Variants in CADM2 observed in about 807,000 individuals in gnomAD.
CADM2 encodes the protein immunoglobulin superfamily member 4D.
A neutral mutation model predicts 49.8 loss-of-function variants in CADM2; 12 were observed. The observed-to-expected ratio is 0.24, with a 90% CI of 0.15 to 0.39. The LOEUF (loss-of-function observed/expected upper bound fraction) is 0.39. Ranked by LOEUF, CADM2 falls within the 10% of genes least tolerant of loss-of-function variation. The pLI, the probability that CADM2 is intolerant of heterozygous loss-of-function variation, is 1.00. For missense variants in CADM2, 378 were observed against 492.3 expected (o/e 0.77, Z 2.20); for synonymous variants, 214 against 175.4 (o/e 1.22, Z -1.74).
chr3:85,948,134 A>T (rs899808489), intron 7 of CADM2, among the ~76,000 whole-genome samples: 2 of 151,428 alleles, frequency 1.3e-5, no homozygotes, highest in African/African-American at 4.8e-5. Context: ...TAAGCATTTT[A>T]CTCTTTAAAG....
chr3:85,248,730 A>G (rs929343492), intron 1 of CADM2, among the ~76,000 whole-genome samples: 4 of 152,210 alleles, frequency 2.6e-5, no homozygotes, highest in African/African-American at 9.6e-5. Context: ...TTTAAATCGA[A>G]AGTAGGTTAA....
At position 85,890,817 on chromosome 3, in the gene CADM2, G is replaced by T. The variant is rs1252308832; in HGVS notation, c.529+4490G>T. On this transcript the variant is annotated intron_variant, in intron 5 of 9. Coordinates refer to ENST00000383699, the MANE Select transcript of CADM2 (RefSeq NM_001167675.2). The stretch of plus-strand genomic sequence containing the variant: ...AGTAGAATTCATCATATGTGTTTGG[G>T]ACAAAAGTAGGTGGTAGGACACTTT... Among the ~76,000 whole-genome samples the T allele has an allele frequency of 3.3e-5, 5 of 151,976 alleles. No individual in the cohort carries two copies. In the South Asian group the frequency reaches 1.0e-3, roughly 32 times the overall value.
Position 85,736,697 on chromosome 3 carries a change from A to G in CADM2, c.88+10149A>G, listed in dbSNP as rs111464980. 9.0e-4 allele frequency among the ~76,000 whole-genome samples: 137 copies of G among 152,232 alleles called. 1 individual carries two copies. The highest frequency in any genetic ancestry group is 3.0e-3 in the African/African-American group (126 of 41,534). ...TTTTCTTATTCTAAGAACAATGGGAAGCCATTAAGTGGTTTTAAAAGGGAA... is the reference window on the plus strand; with the variant it reads ...TTTTCTTATTCTAAGAACAATGGGAGGCCATTAAGTGGTTTTAAAAGGGAA... On this transcript the variant is annotated intron_variant, in intron 2 of 9. Coordinates refer to ENST00000383699, the MANE Select transcript of CADM2 (RefSeq NM_001167675.2).
rs115931762 is a variant in CADM2, at chr3:85,721,770, C to T, written c.62-4752C>T. Among the ~76,000 whole-genome samples the T allele has an allele frequency of 4.0e-3, 613 of 152,294 alleles. 3 individuals are homozygous for T. Among genetic ancestry groups the T allele is most frequent in the African/African-American group, 0.014 (593 of 41,570 alleles). ...GGGGTGCTCCCAGGTCTTGGCTCCC[C>T]GAAGGGCCACAGCTCTTCTTTTCTT... On this transcript the variant is annotated intron_variant, in intron 1 of 9. Coordinates refer to ENST00000383699, the MANE Select transcript of CADM2 (RefSeq NM_001167675.2).
rs759888985 is a variant in CADM2 at position 85,147,275 on chromosome 3, C to CAAAAAAAAAAA, written c.61+187627_61+187637dup. On this transcript the variant is annotated intron_variant, in intron 1 of 9. Coordinates refer to ENST00000383699, the MANE Select transcript of CADM2 (RefSeq NM_001167675.2). Reference sequence around the variant, plus strand: ...TGGGCGACAGAGCCAGACTCTGTCTCAAAAAAAAAAAAAAAAAAAAAAAAA... The same window carrying CAAAAAAAAAAA: ...TGGGCGACAGAGCCAGACTCTGTCTCAAAAAAAAAAAAAAAAAAAAAAAAAAAAAAAAAAAA... Among the ~76,000 whole-genome samples, 15 of 46,004 alleles carry CAAAAAAAAAAA rather than the reference C, an allele frequency of 3.3e-4. 1 individual carries two copies. The highest frequency in any genetic ancestry group is 6.0e-4 in the African/African-American group (12 of 19,988). 30.2% of individuals were successfully genotyped at this position (46,004 alleles called of 152,430 possible). A position where few individuals can be genotyped will look rare whatever the true frequency, so the allele number is the denominator to read the frequency against.
chr3:85,711,278 A>G (rs1459699368), intron 1 of CADM2, among the ~76,000 whole-genome samples: 1 of 152,120 alleles, frequency 6.6e-6, no homozygotes, highest in Non-Finnish European at 1.5e-5. Flanking sequence ...AAGACTTGGA[A>G]CATTCTGGAT....
chr3:85,789,286 C>A (rs1016041689), intron 2 of CADM2, among the ~76,000 whole-genome samples: 2 of 152,104 alleles, frequency 1.3e-5, no homozygotes, highest in African/African-American at 2.4e-5. Context: ...TCATAAATTT[C>A]TTTTCTCTGG....
Position 86,066,970 on chromosome 3 carries a change from C to T in CADM2, c.*187C>T, listed in dbSNP as rs1181644139. 3.5e-6 allele frequency: 2 copies of T among 579,702 alleles called. No individual in the cohort carries two copies. The highest frequency in any genetic ancestry group is 3.8e-5 in the African/African-American group (2 of 53,142). 35.9% of individuals were successfully genotyped at this position (579,702 alleles called of 1,614,324 possible). On this transcript the variant is annotated 3_prime_UTR_variant, in exon 10 of 10. Transcript: ENST00000383699. ...CATCATTCTTTAATTACTGTACCAT[C>T]CATAATGCAGGACATTTCTTACTGC...
chr3:85,413,150 A>AAT (rs1289074716), intron 1 of CADM2, among the ~76,000 whole-genome samples: 4 of 143,506 alleles, frequency 2.8e-5, no homozygotes, highest in Non-Finnish European at 6.1e-5. Flanking sequence ...AAAAAAAAAA[A>AAT]AAAAAAAAAA....
At chr3:85,545,578 T>A (rs963308589) in intron 1 of CADM2, among the ~76,000 whole-genome samples, 4 of 152,218 alleles carry the variant, frequency 2.6e-5, no homozygotes, top group African/African-American at 9.6e-5. Flanking sequence ...TCAATGTGTC[T>A]GACCTATTCA....
intron 8 of CADM2, among the ~76,000 whole-genome samples, chr3:85,987,507 A>G (rs954899924): frequency 2.0e-5 from 3 of 150,368 alleles, no homozygotes; most frequent in Non-Finnish European, 4.4e-5. Context: ...TTTCTGAAAA[A>G]CAATCCCTAA....
intron 2 of CADM2, among the ~76,000 whole-genome samples, chr3:85,778,716 C>G (rs73845660): frequency 6.6e-6 from 1 of 152,006 alleles, no homozygotes. Context: ...ACACAATAAT[C>G]AACTTATCTT....
chr3:85,813,753 A>G (rs2073033374), intron 3 of CADM2, among the ~76,000 whole-genome samples: 1 of 152,040 alleles, frequency 6.6e-6, no homozygotes, highest in African/African-American at 2.4e-5. Context: ...AGTTTTCTGT[A>G]TATGGCTAGT....
intron 1 of CADM2, among the ~76,000 whole-genome samples, chr3:85,267,941 A>G (rs765838911): frequency 4.0e-5 from 6 of 151,728 alleles, no homozygotes; most frequent in Non-Finnish European, 5.9e-5. Context: ...TTGAAAGGGT[A>G]TGTAAAACTC....
At chr3:85,107,976 A>G (rs576316921) in intron 1 of CADM2, among the ~76,000 whole-genome samples, 144 of 152,166 alleles carry the variant, frequency 9.5e-4, no homozygotes, top group African/African-American at 3.2e-3. Flanking sequence ...TTCCTGGATA[A>G]CAGGTGTGAG....
intron 6 of CADM2, among the ~76,000 whole-genome samples, chr3:85,925,684 G>T (rs1287903230): frequency 6.6e-6 from 1 of 152,096 alleles, no homozygotes; most frequent in Non-Finnish European, 1.5e-5. Context: ...TATCATAATG[G>T]CCTAACTCAG....
At chr3:85,415,559 C>T (rs75153051) in intron 1 of CADM2, among the ~76,000 whole-genome samples, 155 of 152,152 alleles carry the variant, frequency 1.0e-3, no homozygotes, top group African/African-American at 3.6e-3. Flanking sequence ...TATATGGATT[C>T]TTCAGGTACT....
rs375539776 is a variant in CADM2 at position 84,972,826 on chromosome 3, T to C, written c.61+13158T>C. Among the ~76,000 whole-genome samples the C allele has an allele frequency of 3.5e-4, 53 of 152,344 alleles. 1 individual carries two copies. The highest frequency in any genetic ancestry group is 2.7e-3 in the East Asian group (14 of 5,192). On this transcript the variant is annotated intron_variant, in intron 1 of 9. Coordinates refer to ENST00000383699, the MANE Select transcript of CADM2 (RefSeq NM_001167675.2). Reference sequence around the variant, plus strand: ...AAGATGGAAAGAGTCTCTGCCCTTATGGAGTTTACAGTCTAGTGTTGGCCA... The same window carrying C: ...AAGATGGAAAGAGTCTCTGCCCTTACGGAGTTTACAGTCTAGTGTTGGCCA...
In CADM2 at chr3:84,959,549, C is replaced by T. The variant is rs2030235116; in HGVS notation, c.-59C>T. ...CAGCGGAGCCCTGCACTCTCGTGCCCCGCTCACCAGCATCTACTTGCCCCC... is the reference window on the plus strand; with the variant it reads ...CAGCGGAGCCCTGCACTCTCGTGCCTCGCTCACCAGCATCTACTTGCCCCC... On this transcript the variant is annotated 5_prime_UTR_variant, in exon 1 of 10. Coordinates refer to ENST00000383699, the MANE Select transcript of CADM2 (RefSeq NM_001167675.2). 2.0e-6 allele frequency: 3 copies of T among 1,479,646 alleles called. No homozygotes were observed. The highest frequency in any genetic ancestry group is 2.7e-6 in the Non-Finnish European group (3 of 1,094,924). The allele number at this position is 1,479,646 out of a possible 1,614,324, so 91.7% of individuals were successfully genotyped here. A position where few individuals can be genotyped will look rare whatever the true frequency, so the allele number is the denominator to read the frequency against.
Sources: allele counts gnomAD v4.1 joint callset (sites outside exome capture counted in the v4.1 genomes callset), GRCh38; gene constraint gnomAD v4.1.1; transcripts MANE v1.5; gene names NCBI Gene and HGNC (gene_info 2026-07-23, HGNC 2026-07-21).